The following RPL10 variants were observed in gnomAD, a reference collection of about 807,000 sequenced individuals.
RPL10 encodes ribosomal protein L10.
Under a neutral mutation model 15.7 loss-of-function variants are expected in RPL10, and 1 was observed. The ratio of observed to expected loss-of-function variants is 0.06; its 90% confidence interval spans 0.02 to 0.30. The LOEUF is 0.30. Among genes scored for constraint, RPL10 ranks in the 10% least tolerant of loss-of-function variants. The pLI is 1.00. For synonymous variants in RPL10, 59 were observed against 64.0 expected (o/e 0.92, Z 0.37); for missense variants, 54 against 183.4 (o/e 0.29, Z 4.08).
At chrX:154,398,901 G>A in intron 2 of RPL10, 1 of 363,435 alleles carries the variant, frequency 2.8e-6, no homozygotes, top group South Asian at 3.7e-5. Flanking sequence ...GGGAAAAACG[G>A]GTGCGGCCGC....
At position 154,401,472 on chromosome X, in the gene RPL10, G is replaced by A. The variant is rs2068032588; in HGVS notation, c.*618G>A. 1 of 127,156 alleles carries A rather than the reference G, an allele frequency of 7.9e-6. No homozygotes were observed. Among genetic ancestry groups the A allele is most frequent in the South Asian group, 2.6e-4 (1 of 3,856 alleles). 10.5% of individuals were successfully genotyped at this position (127,156 alleles called of 1,213,427 possible). A position where few individuals can be genotyped will look rare whatever the true frequency, so the allele number is the denominator to read the frequency against. On this transcript the variant is annotated 3_prime_UTR_variant, in exon 7 of 7. Coordinates refer to ENST00000369817, the MANE Select transcript of RPL10 (RefSeq NM_006013.5). Reference sequence around the variant, plus strand: ...CCTTCACCACCTGACCAAAGGTCTAGGCTAACCTTTGGTCATTTGTAACAA... The same window carrying A: ...CCTTCACCACCTGACCAAAGGTCTAAGCTAACCTTTGGTCATTTGTAACAA...
chrX:154,401,025 G>A lies in RPL10; in HGVS notation c.*171G>A. The stretch of plus-strand genomic sequence containing the variant: ...TTGACAACTCAGCCCTGCTCATGAG[G>A]CAGCAAACCCTGCAAAGGGCTGGGA... On this transcript the variant is annotated 3_prime_UTR_variant, in exon 7 of 7. Transcript: ENST00000369817. 1 of 1,153,832 alleles carries A rather than the reference G, an allele frequency of 8.7e-7. No individual in the cohort carries two copies. Among genetic ancestry groups the A allele is most frequent in the Non-Finnish European group, 1.2e-6 (1 of 865,801 alleles).
rs1226432988 is a variant in RPL10, at chrX:154,401,662, T to C, written c.*808T>C. 1 of 111,784 alleles carries C rather than the reference T, an allele frequency of 8.9e-6. No homozygotes were observed. The highest frequency in any genetic ancestry group is 1.9e-5 in the Non-Finnish European group (1 of 53,042). The allele number at this position is 111,784 out of a possible 1,213,427, so 9.2% of individuals were successfully genotyped here. A position where few individuals can be genotyped will look rare whatever the true frequency, so the allele number is the denominator to read the frequency against. On this transcript the variant is annotated 3_prime_UTR_variant, in exon 7 of 7. Coordinates refer to ENST00000369817, the MANE Select transcript of RPL10 (RefSeq NM_006013.5). ...TATCCAGGGACAGGACTCCAAAGGC[T>C]TTTGGTCCCAGAGCTGGGGTATGTT...
intron 5 of RPL10, 113 bp downstream of exon 5, chrX:154,400,054 A>T: frequency 1.0e-6 from 1 of 979,956 alleles, no homozygotes. Context: ...TGGCTACTAG[A>T]AAAGCCAGGC....
chrX:154,399,114 G>A (rs2067969373), intron 2 of RPL10, among the ~76,000 whole-genome samples: 1 of 112,640 alleles, frequency 8.9e-6, no homozygotes, highest in South Asian at 3.6e-4. Context: ...GTAAGACAAA[G>A]TAACGGAAGA....
chrX:154,399,216 G>A, intron 2 of RPL10, 122 bp from the exon 3 acceptor site: 1 of 692,461 alleles, frequency 1.4e-6, no homozygotes, highest in South Asian at 2.1e-5. Context: ...AAACGGTTTA[G>A]AAGTGGACGT....
chrX:154,399,638 G>C (rs782548319), intron 4 of RPL10, 44 bp downstream of exon 4: 44 of 1,175,039 alleles, frequency 3.7e-5, no homozygotes, highest in African/African-American at 5.3e-5. Flanking sequence ...TCCTTCCTCC[G>C]TGCTCCCTCA....
rs1557186142 is a variant in RPL10 at position 154,401,237 on chromosome X, T to A, written c.*383T>A. 3 of 268,896 alleles carry A rather than the reference T, an allele frequency of 1.1e-5. No individual in the cohort carries two copies. In the East Asian group the frequency reaches 2.7e-4, roughly 24 times the overall value. 22.2% of individuals were successfully genotyped at this position (268,896 alleles called of 1,213,427 possible). ...CAACACATGCGGACCAAGAGGGGCT[T>A]GTGGGCTAGAGGCTGACCAGCAGCG... is the stretch of plus-strand genomic sequence containing the variant. On this transcript the variant is annotated 3_prime_UTR_variant, in exon 7 of 7. Coordinates refer to ENST00000369817, the MANE Select transcript of RPL10 (RefSeq NM_006013.5).
intron 2 of RPL10, chrX:154,398,813 C>T (rs946523695): frequency 1.2e-5 from 5 of 423,926 alleles, no homozygotes; most frequent in Non-Finnish European, 1.7e-5. Context: ...TAGATACGCT[C>T]TTGGGGCCTT....
chrX:154,398,690 ATTT>A, intron 2 of RPL10, 148 bp downstream of exon 2: 1 of 687,728 alleles, frequency 1.5e-6, no homozygotes, highest in Non-Finnish European at 2.3e-6. Context: ...CCTCCCGGCT[ATTT>A]TTTAGTCTGC....
In RPL10 at chrX:154,400,638, T is replaced by A. The variant is rs782282769; in HGVS notation, c.492+12T>A. 6.6e-6 allele frequency: 8 copies of A among 1,211,577 alleles called. No individual in the cohort carries two copies. In the Admixed American group the frequency reaches 1.7e-4, roughly 26 times the overall value. On this transcript the variant is annotated intron_variant, in intron 6 of 6. Coordinates refer to ENST00000369817, the MANE Select transcript of RPL10 (RefSeq NM_006013.5). Reference sequence around the variant, plus strand: ...CTGGCCGCCAGAAGGTATGTAGTGCTGCAGCCCCCTTCTCCCACCTTTGCC... The same window carrying A: ...CTGGCCGCCAGAAGGTATGTAGTGCAGCAGCCCCCTTCTCCCACCTTTGCC...
In RPL10 at chrX:154,400,367, C is replaced by T. The variant is rs782788355; in HGVS notation, c.330-97C>T. The T allele has an allele frequency of 1.6e-5, 15 of 932,702 alleles. No homozygotes were observed. In the East Asian group the frequency reaches 1.8e-4, roughly 11 times the overall value. The allele number at this position is 932,702 out of a possible 1,213,427, so 76.9% of individuals were successfully genotyped here. A position where few individuals can be genotyped will look rare whatever the true frequency, so the allele number is the denominator to read the frequency against. ...ACACAGCAGCTTCCTTGGTAGTGTA[C>T]GCAGCCTGTTGGTTGTATGGGTTGC... On this transcript the variant is annotated intron_variant, in intron 5 of 6. Transcript: ENST00000369817.
Position 154,399,109 on chromosome X carries a change from A to G in RPL10, c.24-229A>G, listed in dbSNP as rs1022620140. The G allele has an allele frequency of 2.6e-5, 12 of 469,643 alleles. No homozygotes were observed. The African/African-American group carries it at 2.9e-4, about 11-fold the overall frequency. The allele number at this position is 469,643 out of a possible 1,213,427, so 38.7% of individuals were successfully genotyped here. ...GCAAAGTGTTTATAGGAAGCGTAAG[A>G]CAAAGTAACGGAAGATGGTGTCTGT... On this transcript the variant is annotated intron_variant, in intron 2 of 6. Coordinates refer to ENST00000369817, the MANE Select transcript of RPL10 (RefSeq NM_006013.5).
Position 154,399,344 on chromosome X carries a change from G to A in RPL10, c.30G>A (p.Arg10=), listed in dbSNP as rs782144755. 8.3e-7 allele frequency: 1 copy of A among 1,209,364 alleles called. No individual in the cohort carries two copies. Among genetic ancestry groups the A allele is most frequent in the African/African-American group, 1.8e-5 (1 of 56,926 alleles). MGRRPARCY[R]YCKNKPYPKS... ...TTTTTTCACTCCCCTGCAGTTACCG[G>A]TATTGTAAGAACAAGCCGTACCCAA... The change falls in exon 3 of 7, where the codon CGG becomes CGA. Residue 10 remains arginine (R), a synonymous_variant. Transcript: ENST00000369817.
Position 154,400,060 on chromosome X carries a change from C to T in RPL10, c.329+119C>T, listed in dbSNP as rs1191942630. The T allele has an allele frequency of 5.3e-6, 5 of 944,870 alleles. No individual in the cohort carries two copies. The African/African-American group carries it at 9.6e-5, about 18-fold the overall frequency. The allele number at this position is 944,870 out of a possible 1,213,427, so 77.9% of individuals were successfully genotyped here. ...CAGCCACTATGGCTACTAGAAAAGCCAGGCTGGCAAGTGACTTTCAGTGGT... is the reference window on the plus strand; with the variant it reads ...CAGCCACTATGGCTACTAGAAAAGCTAGGCTGGCAAGTGACTTTCAGTGGT... On this transcript the variant is annotated intron_variant, in intron 5 of 6. Transcript: ENST00000369817.
intron 5 of RPL10, 170 bp downstream of exon 5, chrX:154,400,111 C>A: frequency 1.7e-6 from 1 of 598,939 alleles, no homozygotes; most frequent in Non-Finnish European, 2.8e-6. Context: ...CCTGCAGATA[C>A]AAACAAAGCA....
chrX:154,399,224 C>T, intron 2 of RPL10, 114 bp from the exon 3 acceptor site: 3 of 732,375 alleles, frequency 4.1e-6, no homozygotes, highest in Non-Finnish European at 6.5e-6. Context: ...TAGAAGTGGA[C>T]GTGCATTCCC....
rs1000824671 is a variant in RPL10 at position 154,401,348 on chromosome X, A to G, written c.*494A>G. The G allele has an allele frequency of 1.7e-5, 3 of 178,398 alleles. No individual in the cohort carries two copies. The highest frequency in any genetic ancestry group is 2.1e-5 in the Non-Finnish European group (2 of 95,106). 14.7% of individuals were successfully genotyped at this position (178,398 alleles called of 1,213,427 possible). Reference sequence around the variant, plus strand: ...CATTCCTCCTTGGTGGGAATCATCCAGGTACTGCTGAGGTCACCTGCGATT... The same window carrying G: ...CATTCCTCCTTGGTGGGAATCATCCGGGTACTGCTGAGGTCACCTGCGATT... On this transcript the variant is annotated 3_prime_UTR_variant, in exon 7 of 7. Transcript: ENST00000369817.
rs1174655439 is a variant in RPL10 at position 154,402,280 on chromosome X, T to C, written c.*1426T>C. On this transcript the variant is annotated 3_prime_UTR_variant, in exon 7 of 7. Coordinates refer to ENST00000369817, the MANE Select transcript of RPL10 (RefSeq NM_006013.5). ...CACCCTCCTTGTAGCTATTGGGGCT[T>C]AATGGTTTCCTGGTGATTCTTACCA... 3 of 139,470 alleles carry C rather than the reference T, an allele frequency of 2.2e-5. No homozygotes were observed. Among genetic ancestry groups the C allele is most frequent in the Non-Finnish European group, 4.3e-5 (3 of 70,155 alleles). The allele number at this position is 139,470 out of a possible 1,213,427, so 11.5% of individuals were successfully genotyped here. A position where few individuals can be genotyped will look rare whatever the true frequency, so the allele number is the denominator to read the frequency against.
Sources: gnomAD v4.1 joint callset for allele counts (sites outside exome capture counted in the v4.1 genomes callset) on GRCh38, gnomAD v4.1.1 for gene constraint, MANE v1.5 for transcripts, NCBI Gene and HGNC (gene_info 2026-07-23, HGNC 2026-07-21) for gene names.